Variants in GRIN2B observed in about 807,000 individuals in gnomAD.
GRIN2B encodes glutamate ionotropic receptor NMDA type subunit 2B, also known as glutamate receptor ionotropic, NMDA 2B.
Under a neutral mutation model 114.5 loss-of-function variants are expected in GRIN2B, and 5 were observed. The observed-to-expected ratio is 0.04, with a 90% CI of 0.02 to 0.09. The LOEUF is 0.09. Ranked by LOEUF, GRIN2B falls within the 10% of genes least tolerant of loss-of-function variation. The pLI is 1.00. For missense variants in GRIN2B, 1,108 were observed against 1,943.5 expected (o/e 0.57, Z 8.08); for synonymous variants, 787 against 745.1 (o/e 1.06, Z -0.92).
At chr12:13,588,930 T>C (rs1451094567) in intron 10 of GRIN2B, among the ~76,000 whole-genome samples, 1 of 152,208 alleles carries the variant, frequency 6.6e-6, no homozygotes, top group Non-Finnish European at 1.5e-5. Flanking sequence ...AGGAAATTCC[T>C]CTGTTGTATT....
chr12:13,958,236 T>C (rs1013883296), intron 2 of GRIN2B, among the ~76,000 whole-genome samples: 1 of 152,124 alleles, frequency 6.6e-6, no homozygotes, highest in Non-Finnish European at 1.5e-5. Context: ...TCTGTAAAAA[T>C]AATGGCACTG....
At chr12:13,755,933 G>A (rs867267302) in intron 3 of GRIN2B, among the ~76,000 whole-genome samples, 1 of 152,212 alleles carries the variant, frequency 6.6e-6, no homozygotes, top group African/African-American at 2.4e-5. Context: ...CTCTCTATGA[G>A]TCAGGGCATG....
chr12:13,767,401 T>C (rs549834972), intron 3 of GRIN2B, among the ~76,000 whole-genome samples: 3 of 152,344 alleles, frequency 2.0e-5, no homozygotes, highest in Admixed American at 2.0e-4. Flanking sequence ...TCCATGTCTG[T>C]TAAAGAAATG....
intron 10 of GRIN2B, among the ~76,000 whole-genome samples, chr12:13,601,167 G>A (rs1186913744): frequency 2.0e-5 from 3 of 152,182 alleles, no homozygotes; most frequent in African/African-American, 7.2e-5. Context: ...AGGTCCCTGT[G>A]GCAGCCATAA....
chr12:13,816,683 C>T (rs1299053410), intron 3 of GRIN2B, among the ~76,000 whole-genome samples: 1 of 152,100 alleles, frequency 6.6e-6, no homozygotes, highest in Admixed American at 6.5e-5. Context: ...ATCACATGCC[C>T]CCAACCCCCT....
chr12:13,870,075 G>C (rs963997388), intron 2 of GRIN2B, among the ~76,000 whole-genome samples: 3 of 152,148 alleles, frequency 2.0e-5, no homozygotes, highest in Non-Finnish European at 4.4e-5. Flanking sequence ...GAGGGTGAAA[G>C]AATGGCAGAC....
intron 3 of GRIN2B, among the ~76,000 whole-genome samples, chr12:13,826,058 G>GT (rs969640156): frequency 6.6e-6 from 1 of 150,802 alleles, no homozygotes; most frequent in Non-Finnish European, 1.5e-5. Flanking sequence ...TGAATTGACT[G>GT]TTTTTTTAGA....
chr12:13,901,161 T>C (rs971464423), intron 2 of GRIN2B, among the ~76,000 whole-genome samples: 1 of 152,216 alleles, frequency 6.6e-6, no homozygotes, highest in Middle Eastern at 3.2e-3. Context: ...GTTTAAACAA[T>C]GTTTTAACCA....
At chr12:13,791,553 A>C (rs950957549) in intron 3 of GRIN2B, among the ~76,000 whole-genome samples, 2 of 152,030 alleles carry the variant, frequency 1.3e-5, no homozygotes, top group Non-Finnish European at 2.9e-5. Context: ...AGTATGTTGC[A>C]CTCTGTTTCT....
At position 13,784,898 on chromosome 12, in the gene GRIN2B, T is replaced by G. The variant is rs146958592; in HGVS notation, c.412-30983A>C. ...ATGCAGGAGTGAGTCCAGTTGAGAC[T>G]AGAGGAACTATCCAGTTGACTGCTA... On this transcript the variant is annotated intron_variant, in intron 3 of 13. Coordinates refer to ENST00000609686, the MANE Select transcript of GRIN2B (RefSeq NM_000834.5). Among the ~76,000 whole-genome samples the G allele has an allele frequency of 2.9e-4, 44 of 152,342 alleles. No homozygotes were observed. The Middle Eastern group carries it at 0.01, about 35-fold the overall frequency.
At chr12:13,825,686 T>C (rs56188626) in intron 3 of GRIN2B, among the ~76,000 whole-genome samples, 23,874 of 151,506 alleles carry the variant, frequency 0.16, 2,539 homozygotes, top group Non-Finnish European at 0.24. Flanking sequence ...CCAGCTAATT[T>C]TTGTGTTTTT....
At chr12:13,614,534 A>G (rs758206501) in intron 8 of GRIN2B, among the ~76,000 whole-genome samples, 3 of 152,060 alleles carry the variant, frequency 2.0e-5, no homozygotes, top group Admixed American at 6.6e-5. Context: ...GATTTTTGAC[A>G]TTTAAGTGAT....
chr12:13,578,927 A>C (rs372918847), intron 10 of GRIN2B, among the ~76,000 whole-genome samples: 33 of 152,202 alleles, frequency 2.2e-4, no homozygotes, highest in African/African-American at 7.9e-4. Context: ...AGCAAATGCA[A>C]AGGTTCTGAC....
chr12:13,827,582 C>A (rs1327381059), intron 3 of GRIN2B, among the ~76,000 whole-genome samples: 1 of 151,604 alleles, frequency 6.6e-6, no homozygotes, highest in Non-Finnish European at 1.5e-5. Context: ...AATATTTTTT[C>A]TTTAAGTTCC....
intron 5 of GRIN2B, chr12:13,634,056 G>C (rs975578374): frequency 6.6e-6 from 1 of 152,164 alleles, no homozygotes. Context: ...TCACACCCAA[G>C]ATGGATTTCA....
At chr12:13,886,282 A>G (rs1866155227) in intron 2 of GRIN2B, among the ~76,000 whole-genome samples, 2 of 152,214 alleles carry the variant, frequency 1.3e-5, no homozygotes, top group Non-Finnish European at 2.9e-5. Context: ...CATGGTTCAT[A>G]TAGTTCATAC....
chr12:13,717,066 CGTGTGT>C (rs56360153), intron 4 of GRIN2B, among the ~76,000 whole-genome samples: 17,325 of 145,936 alleles, frequency 0.12, 1,085 homozygotes, highest in East Asian at 0.17. Flanking sequence ...ATGCCATACG[CGTGTGT>C]GTGTGTGTGT....
intron 10 of GRIN2B, among the ~76,000 whole-genome samples, chr12:13,587,242 T>C (rs1948939262): frequency 6.6e-6 from 1 of 152,038 alleles, no homozygotes; most frequent in East Asian, 1.9e-4. Context: ...GGTCATTCCC[T>C]GGAAACCCTT....
At chr12:13,740,194 G>A (rs113046153) in intron 4 of GRIN2B, among the ~76,000 whole-genome samples, 457 of 152,224 alleles carry the variant, frequency 3.0e-3, no homozygotes, top group Non-Finnish European at 4.9e-3. Context: ...GAAATTCTTC[G>A]TTCCTGAAGC....
Sources: allele counts gnomAD v4.1 joint callset (sites outside exome capture counted in the v4.1 genomes callset), GRCh38; gene constraint gnomAD v4.1.1; transcripts MANE v1.5; gene names NCBI Gene and HGNC (gene_info 2026-07-23, HGNC 2026-07-21).